The following LRRC4C variants were observed in gnomAD, a reference collection of about 807,000 sequenced individuals.
LRRC4C encodes the protein leucine rich repeat containing 4C.
In LRRC4C, 5 loss-of-function variants were observed where a neutral mutation model predicts 33.6. The ratio of observed to expected loss-of-function variants is 0.15; its 90% confidence interval spans 0.08 to 0.31. The LOEUF is 0.31. Ranked by LOEUF, LRRC4C falls within the 10% of genes least tolerant of loss-of-function variation. The probability of loss-of-function intolerance (pLI) is 1.00; values close to 1 mark genes in which losing one functional copy is unlikely to be tolerated. For synonymous variants in LRRC4C, 329 were observed against 302.0 expected, an observed-to-expected ratio of 1.09 and a Z score of -0.93; for missense variants, 560 against 796.7, an observed-to-expected ratio of 0.70 and a Z score of 3.58.
chr11:41,166,029 CA>C (rs35393339), intron 1 of LRRC4C, among the ~76,000 whole-genome samples: 26,965 of 121,830 alleles, frequency 0.22, 2,745 homozygotes, highest in Admixed American at 0.41. Context: ...GAAATTCTGT[CA>C]AAAAAAAAAA....
intron 3 of LRRC4C, among the ~76,000 whole-genome samples, chr11:40,582,855 C>G (rs1393978113): frequency 6.6e-6 from 1 of 151,876 alleles, no homozygotes; most frequent in Admixed American, 6.6e-5. Flanking sequence ...AATAATTGTA[C>G]ATATTTATGG....
intron 1 of LRRC4C, among the ~76,000 whole-genome samples, chr11:41,099,746 C>T (rs1941048407): frequency 1.3e-5 from 2 of 152,106 alleles, no homozygotes; most frequent in African/African-American, 2.4e-5. Flanking sequence ...ACTAAATAGG[C>T]AAAAGCTAGG....
chr11:40,900,830 T>A (rs1956165619), intron 2 of LRRC4C, among the ~76,000 whole-genome samples: 1 of 152,090 alleles, frequency 6.6e-6, no homozygotes, highest in Admixed American at 6.6e-5. Flanking sequence ...TTTACATAAA[T>A]ATCTGTGAGG....
intron 1 of LRRC4C, among the ~76,000 whole-genome samples, chr11:41,121,681 C>A (rs1942438821): frequency 6.6e-6 from 1 of 152,088 alleles, no homozygotes; most frequent in Non-Finnish European, 1.5e-5. Flanking sequence ...CTGGCCCTGT[C>A]AGGATCAGAT....
intron 5 of LRRC4C, among the ~76,000 whole-genome samples, chr11:40,204,049 A>T (rs949601844): frequency 1.3e-5 from 2 of 152,072 alleles, no homozygotes; most frequent in African/African-American, 4.8e-5. Flanking sequence ...CAACCTCCCA[A>T]GTAACTGGGA....
At chr11:41,233,810 T>C (rs1441649084) in intron 1 of LRRC4C, among the ~76,000 whole-genome samples, 1 of 152,030 alleles carries the variant, frequency 6.6e-6, no homozygotes, top group Non-Finnish European at 1.5e-5. Flanking sequence ...GGGAAAAAAA[T>C]TGTGAAATTT....
intron 4 of LRRC4C, among the ~76,000 whole-genome samples, chr11:40,281,815 G>A (rs1005811709): frequency 6.6e-6 from 1 of 152,094 alleles, no homozygotes; most frequent in Non-Finnish European, 1.5e-5. Context: ...AATAATTAGG[G>A]AACTGTATTA....
chr11:40,436,418 T>C (rs949048931), intron 3 of LRRC4C, among the ~76,000 whole-genome samples: 2 of 152,066 alleles, frequency 1.3e-5, no homozygotes, highest in African/African-American at 4.8e-5. Flanking sequence ...TCTAAGGAAG[T>C]AGGAGTGTGA....
At chr11:40,709,823 A>G (rs1591523192) in intron 2 of LRRC4C, among the ~76,000 whole-genome samples, 2 of 152,282 alleles carry the variant, frequency 1.3e-5, no homozygotes, top group Non-Finnish European at 2.9e-5. Context: ...TTTCAGGTAC[A>G]CCAATCAAAT....
chr11:41,294,661 A>T (rs1052839426), intron 1 of LRRC4C, among the ~76,000 whole-genome samples: 2 of 152,064 alleles, frequency 1.3e-5, no homozygotes, highest in African/African-American at 4.8e-5. Flanking sequence ...TTCATTTTTC[A>T]TTTGGTTTTA....
chr11:41,109,859 T>C (rs776323161), intron 1 of LRRC4C, among the ~76,000 whole-genome samples: 4 of 152,052 alleles, frequency 2.6e-5, no homozygotes, highest in Non-Finnish European at 5.9e-5. Flanking sequence ...AGGAAGGGAA[T>C]ACTTTCCTCA....
chr11:41,310,275 T>A (rs1950610814), intron 1 of LRRC4C, among the ~76,000 whole-genome samples: 1 of 152,204 alleles, frequency 6.6e-6, no homozygotes, highest in Admixed American at 6.5e-5. Flanking sequence ...GAGATCAGAA[T>A]CAAAGAGGAA....
At chr11:40,764,313 T>C (rs2137101010) in intron 2 of LRRC4C, among the ~76,000 whole-genome samples, 1 of 152,150 alleles carries the variant, frequency 6.6e-6, no homozygotes, top group East Asian at 1.9e-4. Context: ...ATTAACATCA[T>C]CTGTAGCCAG....
At chr11:40,838,385 C>T (rs903666420) in intron 2 of LRRC4C, among the ~76,000 whole-genome samples, 9 of 152,286 alleles carry the variant, frequency 5.9e-5, no homozygotes, top group Non-Finnish European at 1.3e-4. Flanking sequence ...CTTCTGGGAT[C>T]TGGCCATTCA....
chr11:41,251,308 T>A (rs539986086), intron 1 of LRRC4C, among the ~76,000 whole-genome samples: 1 of 152,284 alleles, frequency 6.6e-6, no homozygotes, highest in African/African-American at 2.4e-5. Flanking sequence ...CTAAATCTCA[T>A]CACTAACATC....
chr11:41,019,439 G>T (rs993162788), intron 1 of LRRC4C, among the ~76,000 whole-genome samples: 1 of 151,866 alleles, frequency 6.6e-6, no homozygotes, highest in East Asian at 1.9e-4. Context: ...ATTTGGGTTG[G>T]TTTCATGTCT....
At chr11:40,387,992 T>A (rs967603209) in intron 3 of LRRC4C, among the ~76,000 whole-genome samples, 2 of 152,138 alleles carry the variant, frequency 1.3e-5, no homozygotes, top group Non-Finnish European at 2.9e-5. Flanking sequence ...GACTCAAGGA[T>A]GAAATATAGA....
intron 2 of LRRC4C, among the ~76,000 whole-genome samples, chr11:40,710,741 C>T (rs1591525600): frequency 6.6e-6 from 1 of 152,160 alleles, no homozygotes; most frequent in Non-Finnish European, 1.5e-5. Context: ...AGCTGTCAGA[C>T]AGGGACATTT....
chr11:41,060,062 A>T (rs765401524), intron 1 of LRRC4C, among the ~76,000 whole-genome samples: 5 of 152,102 alleles, frequency 3.3e-5, no homozygotes, highest in African/African-American at 4.8e-5. Flanking sequence ...AGCAAATAAG[A>T]ATGTTCATTT....
Sources: allele counts gnomAD v4.1 joint callset (sites outside exome capture counted in the v4.1 genomes callset), GRCh38; gene constraint gnomAD v4.1.1; transcripts MANE v1.5; gene names NCBI Gene and HGNC (gene_info 2026-07-23, HGNC 2026-07-21).